IPPK: variants seen among roughly 807,000 people sequenced by gnomAD.
IPPK encodes the protein inositol-pentakisphosphate 2-kinase, also known as IPK1 homolog.
IPPK carries 22 observed loss-of-function variants against 64.6 expected under a neutral mutation model. The ratio of observed to expected loss-of-function variants is 0.34; its 90% CI spans 0.24 to 0.49. The LOEUF is 0.49. IPPK is among the 20% of genes least tolerant of loss of function. IPPK has a pLI of 0.99. For missense variants in IPPK, 532 were observed against 630.7 expected (o/e 0.84, Z 1.68); for synonymous variants, 262 against 247.2 (o/e 1.06, Z -0.56).
In IPPK at chr9:92,648,530, T is replaced by C. The variant is rs967565607; in HGVS notation, c.415-382A>G. On this transcript the variant is annotated intron_variant, in intron 5 of 12. Transcript: ENST00000287996. ...CATTGTTCCCACTGACACTAGCACA[T>C]GGCCCGACAGAGGCCCATCTGATAG... Among the ~76,000 whole-genome samples, 15 of 152,314 alleles carry C rather than the reference T, an allele frequency of 9.8e-5. No homozygotes were observed. In the South Asian group the frequency reaches 1.7e-3, roughly 17 times the overall value.
chr9:92,640,347 G>A (rs1364584629), intron 8 of IPPK, among the ~76,000 whole-genome samples: 1 of 140,294 alleles, frequency 7.1e-6, no homozygotes, highest in Non-Finnish European at 1.5e-5. Context: ...AGCAGGCCAG[G>A]TCACACCAGC....
At chr9:92,626,455 T>G (rs144859127) in intron 11 of IPPK, among the ~76,000 whole-genome samples, 1 of 152,178 alleles carries the variant, frequency 6.6e-6, no homozygotes, top group East Asian at 1.9e-4. Context: ...AATGGCAGAT[T>G]AGACACAGCT....
intron 11 of IPPK, among the ~76,000 whole-genome samples, chr9:92,632,157 T>C (rs959010518): frequency 7.2e-5 from 11 of 152,232 alleles, no homozygotes; most frequent in African/African-American, 2.7e-4. Flanking sequence ...AGTTTTTAGC[T>C]GTTACAAAAA....
At chr9:92,619,381 TG>T in intron 12 of IPPK, 104 bp downstream of exon 12, 1 of 883,390 alleles carries the variant, frequency 1.1e-6, no homozygotes, top group Non-Finnish European at 1.8e-6. Flanking sequence ...CACTCCGCCA[TG>T]GAGTCTCTAA....
chr9:92,649,736 A>G (rs1564037064), intron 4 of IPPK, among the ~76,000 whole-genome samples, 162 bp from the exon 5 acceptor site: 1 of 152,182 alleles, frequency 6.6e-6, no homozygotes, highest in African/African-American at 2.4e-5. Context: ...CACAGTAACA[A>G]CGTGGTTTAG....
chr9:92,618,960 C>T (rs1181424482), intron 12 of IPPK: 4 of 274,992 alleles, frequency 1.5e-5, no homozygotes, highest in Non-Finnish European at 2.8e-5. Context: ...CCCGAATTCC[C>T]AGAAACAGAG....
At chr9:92,617,211 C>T (rs1441287112) in intron 12 of IPPK, 1 of 152,194 alleles carries the variant, frequency 6.6e-6, no homozygotes, top group Non-Finnish European at 1.5e-5. Context: ...ATTGGGAGAA[C>T]CTCAGAAGCC....
chr9:92,649,179 C>A (rs949478753), intron 5 of IPPK, among the ~76,000 whole-genome samples: 7 of 152,200 alleles, frequency 4.6e-5, no homozygotes, highest in African/African-American at 1.7e-4. Context: ...GACCCTCAAC[C>A]AGGGCTTGTT....
At chr9:92,643,985 A>G (rs1370371140) in intron 6 of IPPK, among the ~76,000 whole-genome samples, 2 of 152,248 alleles carry the variant, frequency 1.3e-5, no homozygotes, top group African/African-American at 2.4e-5. Context: ...TTTCTTAAAC[A>G]TCTGTCACAT....
intron 1 of IPPK, among the ~76,000 whole-genome samples, chr9:92,661,610 C>T (rs1336366513): frequency 6.6e-6 from 1 of 152,226 alleles, no homozygotes; most frequent in Non-Finnish European, 1.5e-5. Flanking sequence ...TATCCCTTCC[C>T]ATTATGGAGC....
At chr9:92,638,545 GC>G (rs1490997367) in intron 8 of IPPK, among the ~76,000 whole-genome samples, 1 of 152,202 alleles carries the variant, frequency 6.6e-6, no homozygotes, top group Non-Finnish European at 1.5e-5. Flanking sequence ...CCTGACCAAC[GC>G]CCCCAGACAA....
chr9:92,654,496 G>C (rs1271024831), intron 3 of IPPK, among the ~76,000 whole-genome samples: 1 of 152,162 alleles, frequency 6.6e-6, no homozygotes, highest in African/African-American at 2.4e-5. Context: ...ACTCCAGCCT[G>C]GGTGACAGAG....
At chr9:92,666,393 C>T (rs757808177) in intron 1 of IPPK, among the ~76,000 whole-genome samples, 12 of 152,224 alleles carry the variant, frequency 7.9e-5, no homozygotes, top group Non-Finnish European at 1.6e-4. Flanking sequence ...GAGAGAAATC[C>T]TGCGGCAGTG....
Position 92,663,080 on chromosome 9 carries a change from T to C in IPPK, c.82-4399A>G, listed in dbSNP as rs115447925. Among the ~76,000 whole-genome samples, 424 of 152,254 alleles carry C rather than the reference T, an allele frequency of 2.8e-3. 1 individual carries two copies. The highest frequency in any genetic ancestry group is 9.7e-3 in the African/African-American group (404 of 41,540). On this transcript the variant is annotated intron_variant, in intron 1 of 12. Coordinates refer to ENST00000287996, the MANE Select transcript of IPPK (RefSeq NM_022755.6). The stretch of plus-strand genomic sequence containing the variant: ...GAGGATTTTCTACATATTTGTGCTA[T>C]AAAATTAAGTGAAAAAAAATCCCAA...
At chr9:92,657,732 C>T (rs1176150835) in intron 2 of IPPK, among the ~76,000 whole-genome samples, 34 of 152,226 alleles carry the variant, frequency 2.2e-4, no homozygotes, top group South Asian at 2.1e-4. Flanking sequence ...CCTGCCTCGA[C>T]CCCACACCCA....
At chr9:92,645,263 G>T (rs1280321770) in intron 6 of IPPK, among the ~76,000 whole-genome samples, 1 of 151,988 alleles carries the variant, frequency 6.6e-6, no homozygotes, top group African/African-American at 2.4e-5. Flanking sequence ...GGTGGGGTGC[G>T]CCTGTAGTCC....
intron 11 of IPPK, among the ~76,000 whole-genome samples, chr9:92,622,782 T>C (rs1026782228): frequency 2.6e-5 from 4 of 152,026 alleles, no homozygotes; most frequent in Non-Finnish European, 5.9e-5. Flanking sequence ...CTGAGTGAGG[T>C]GATTCTCAAA....
intron 11 of IPPK, among the ~76,000 whole-genome samples, chr9:92,633,041 C>T (rs1035572496): frequency 5.6e-4 from 85 of 151,086 alleles, no homozygotes; most frequent in Non-Finnish European, 6.6e-4. Context: ...GATGGAGTCT[C>T]GCTCTGTCGC....
chr9:92,615,838 C>T lies in IPPK; in HGVS notation c.1470G>A (p.Lys490=). 1 of 1,611,470 alleles carries T rather than the reference C, an allele frequency of 6.2e-7. No individual in the cohort carries two copies. The highest frequency in any genetic ancestry group is 2.2e-5 in the East Asian group (1 of 44,862). Residue 490 remains lysine (K), a synonymous_variant, in exon 13 of 13, where the codon AAG becomes AAA. Transcript: ENST00000287996. The part of the protein sequence containing the change: ...ESEDCTLVLH[K]V ...AGACACTGCAGGGAAAGAGTTAGAC[C>T]TTGTGGAGAACTAATGTGCAATCTT...
Sources: allele counts gnomAD v4.1 joint callset (sites outside exome capture counted in the v4.1 genomes callset), GRCh38; gene constraint gnomAD v4.1.1; transcripts MANE v1.5; gene names NCBI Gene and HGNC (gene_info 2026-07-23, HGNC 2026-07-21).